Variants in EPHB6 observed in about 807,000 individuals in gnomAD.
EPHB6 encodes EPH receptor B6.
Under a neutral mutation model 107.0 loss-of-function variants are expected in EPHB6, and 51 were observed. The observed-to-expected ratio is 0.48, with a 90% CI of 0.38 to 0.60. The LOEUF (loss-of-function observed/expected upper bound fraction) is 0.60. Among genes scored for constraint, EPHB6 ranks in the 20% least tolerant of loss-of-function variants. EPHB6 has a pLI of 0.00. For missense variants in EPHB6, 1,141 were observed against 1,355.5 expected (o/e 0.84, Z 2.48); for synonymous variants, 553 against 549.0 (o/e 1.01, Z -0.10).
chr7:142,870,078 G>A (rs1190102754), intron 17 of EPHB6, 112 bp downstream of exon 17: 3 of 1,585,868 alleles, frequency 1.9e-6, no homozygotes, highest in Admixed American at 3.3e-5. Flanking sequence ...CATGGCTGTT[G>A]GATTGCCATA....
rs2116468520 is a variant in EPHB6 at position 142,868,424 on chromosome 7, G to A, written c.2038+64G>A. Reference sequence around the variant, plus strand: ...TCCCTTGTGGCCTCCGCTGGCCAGAGTCCCATCCAAACACAGCAGGACGCT... The same window carrying A: ...TCCCTTGTGGCCTCCGCTGGCCAGAATCCCATCCAAACACAGCAGGACGCT... On this transcript the variant is annotated intron_variant, in intron 14 of 19. Transcript: ENST00000652003. The surrounding 1 kb of genome is among the most constrained non-coding windows in gnomAD (Gnocchi z 4.2). The A allele has an allele frequency of 6.2e-7, 1 of 1,613,972 alleles. No individual in the cohort carries two copies.
In EPHB6 at chr7:142,867,982, C is replaced by T. The variant is rs752338310; in HGVS notation, c.1866-15C>T. On this transcript the variant is annotated splice_polypyrimidine_tract_variant and intron_variant, in intron 12 of 19. Transcript: ENST00000652003. The surrounding 1 kb of genome is among the most constrained non-coding windows in gnomAD (Gnocchi z 5.3). ...AAATGGGAGCGTCATCCCCAGTCAC[C>T]GTTTTGTTCCTCAGGAAGCGGCGTG... The T allele has an allele frequency of 8.3e-6, 13 of 1,566,110 alleles. No homozygotes were observed. Among genetic ancestry groups the T allele is most frequent in the Middle Eastern group, 2.1e-4 (1 of 4,878 alleles).
chr7:142,870,992 A>G lies in EPHB6; in HGVS notation c.*88A>G. ...GCCGGGCTCCAACAGCCTCTGTGAG[A>G]GATGCCCCACACCAAACCCAACCCT... On this transcript the variant is annotated 3_prime_UTR_variant, in exon 20 of 20. Coordinates refer to ENST00000652003, the MANE Select transcript of EPHB6 (RefSeq NM_004445.6). 1 of 1,302,900 alleles carries G rather than the reference A, an allele frequency of 7.7e-7. No homozygotes were observed. The allele number at this position is 1,302,900 out of a possible 1,614,324, so 80.7% of individuals were successfully genotyped here. A position where few individuals can be genotyped will look rare whatever the true frequency, so the allele number is the denominator to read the frequency against.
At position 142,863,430 on chromosome 7, in the gene EPHB6, A is replaced by G; in HGVS notation, c.100+103A>G. 21 of 1,271,478 alleles carry G rather than the reference A, an allele frequency of 1.7e-5. No individual in the cohort carries two copies. The South Asian group carries it at 2.5e-4, about 15-fold the overall frequency. 78.8% of individuals were successfully genotyped at this position (1,271,478 alleles called of 1,614,324 possible). ...AAAGGTAGATAAGAGTGAAGACATC[A>G]ATAAAGGGAAAGGCATGGTGAGGAT... On this transcript the variant is annotated intron_variant, in intron 5 of 19. Coordinates refer to ENST00000652003, the MANE Select transcript of EPHB6 (RefSeq NM_004445.6).
intron 1 of EPHB6, among the ~76,000 whole-genome samples, chr7:142,858,316 G>C (rs1006329376): frequency 2.0e-5 from 3 of 149,366 alleles, no homozygotes; most frequent in African/African-American, 7.4e-5. Context: ...ACTATATTAA[G>C]TAAGCTTGAT....
Position 142,870,540 on chromosome 7 carries a change from G to A in EPHB6, c.2815G>A (p.Ala939Thr). The A allele has an allele frequency of 1.9e-6, 3 of 1,614,214 alleles. No individual in the cohort carries two copies. Among genetic ancestry groups the A allele is most frequent in the Non-Finnish European group, 2.5e-6 (3 of 1,180,038 alleles). Residue 939 changes from alanine to threonine, a missense_variant, in exon 19 of 20, where the codon GCC becomes ACC. By Grantham distance (58) the Ala-to-Thr change is moderately conservative (BLOSUM62 0). This residue lies in a region of EPHB6 where 616 missense variants were observed against 759.3 expected (regional missense o/e 0.81). Transcript: ENST00000652003. ...CCCCTCCCCTCTTAGGCCTTCCCAG[G>A]CCCTTCTGACCCCTGTGGCCCTGGA... is the stretch of plus-strand genomic sequence containing the variant. ...GGDPGERPSQ[A>T]LLTPVALDFP...
At chr7:142,865,449 G>A (rs764934078) in intron 7 of EPHB6, 26 bp from the exon 8 acceptor site, 103 of 1,611,856 alleles carry the variant, frequency 6.4e-5, no homozygotes, top group Non-Finnish European at 8.6e-5. Context: ...CGAGTGTGAC[G>A]CCCCCACTCT....
chr7:142,866,139 A>G lies in EPHB6; in HGVS notation c.1285A>G (p.Arg429Gly), dbSNP rs2116444235. 1 of 1,613,928 alleles carries G rather than the reference A, an allele frequency of 6.2e-7. No individual in the cohort carries two copies. The highest frequency in any genetic ancestry group is 8.5e-7 in the Non-Finnish European group (1 of 1,179,970). Residue 429 changes from arginine to glycine, a missense_variant, in exon 9 of 20, where the codon AGG (arginine) becomes GGG (glycine). Around this residue, in one of 3 missense-constraint regions of EPHB6, gnomAD observed 304 missense variants for 295.7 expected, o/e 1.03. Transcript: ENST00000652003. The surrounding 1 kb of genome is among the most constrained non-coding windows in gnomAD (Gnocchi z 5.2). ...SGGGGTCHRC[R>G]DEVHFDPRQR... ...TGGTGGGGGCACTTGTCACCGCTGC[A>G]GGGATGAGGTCCACTTCGACCCTCG...
At chr7:142,862,392 G>C (rs939834692) in intron 3 of EPHB6, among the ~76,000 whole-genome samples, 1 of 152,184 alleles carries the variant, frequency 6.6e-6, no homozygotes, top group African/African-American at 2.4e-5. Flanking sequence ...TAAAGCCATA[G>C]GGTTATTCTT....
chr7:142,868,414 G>A lies in EPHB6; in HGVS notation c.2038+54G>A, dbSNP rs916758437. On this transcript the variant is annotated intron_variant, in intron 14 of 19. Transcript: ENST00000652003. This position sits in a 1 kb window ranked among gnomAD's most constrained non-coding sequence, Gnocchi z 4.2. ...GCGACGGGGCTCCCTTGTGGCCTCCGCTGGCCAGAGTCCCATCCAAACACA... is the reference window on the plus strand; with the variant it reads ...GCGACGGGGCTCCCTTGTGGCCTCCACTGGCCAGAGTCCCATCCAAACACA... The A allele has an allele frequency of 2.7e-5, 44 of 1,613,816 alleles. No homozygotes were observed. Among genetic ancestry groups the A allele is most frequent in the South Asian group, 2.5e-4 (23 of 91,060 alleles).
chr7:142,858,608 TTTTTTTTTTTTGTA>T (rs1449599199), intron 1 of EPHB6, among the ~76,000 whole-genome samples: 1 of 148,428 alleles, frequency 6.7e-6, no homozygotes, highest in Non-Finnish European at 1.5e-5. Flanking sequence ...GCTAATTTTT[TTTTTTTTTTTTGTA>T]TTTTTAGTAG....
In EPHB6 at chr7:142,863,023, TG is replaced by T; in HGVS notation, c.-101-103del. 3 of 595,212 alleles carry T rather than the reference TG, an allele frequency of 5.0e-6. No homozygotes were observed. In the East Asian group the frequency reaches 8.4e-5, roughly 17 times the overall value. 36.9% of individuals were successfully genotyped at this position (595,212 alleles called of 1,614,324 possible). On this transcript the variant is annotated intron_variant, in intron 4 of 19. Transcript: ENST00000652003. ...GTGGGTGCTGGGGCGATTGGAGAGCTGTAGGAGGAGACACAGACACGGGGTC... is the reference window on the plus strand; with the variant it reads ...GTGGGTGCTGGGGCGATTGGAGAGCTTAGGAGGAGACACAGACACGGGGTC...
chr7:142,868,880 C>T lies in EPHB6; in HGVS notation c.2287-94C>T. 1 of 1,587,014 alleles carries T rather than the reference C, an allele frequency of 6.3e-7. No individual in the cohort carries two copies. Among genetic ancestry groups the T allele is most frequent in the Non-Finnish European group, 8.6e-7 (1 of 1,168,094 alleles). ...TCCCAGCCATTTTCTGATTCGACAC[C>T]CTCCCGCTCTCATGCTGTTGTCTGC... is the stretch of plus-strand genomic sequence containing the variant. On this transcript the variant is annotated intron_variant, in intron 15 of 19. Transcript: ENST00000652003. This position sits in a 1 kb window ranked among gnomAD's most constrained non-coding sequence, Gnocchi z 4.2.
In EPHB6 at chr7:142,864,723, C is replaced by T. The variant is rs2116428960; in HGVS notation, c.923C>T (p.Pro308Leu). 1 of 1,612,924 alleles carries T rather than the reference C, an allele frequency of 6.2e-7. No homozygotes were observed. The highest frequency in any genetic ancestry group is 1.1e-5 in the South Asian group (1 of 91,084). ...TGCCGCTGCCAGCCTGGATACCAAC[C>T]AGCACGAGGAGACAAGGCCTGCCAA... is the stretch of plus-strand genomic sequence containing the variant. ...GGCRCQPGYQ[P>L]ARGDKACQAC... is the part of the protein sequence containing the mutation. The change falls in exon 7 of 20, where the codon CCA (proline) becomes CTA (leucine). Residue 308 changes from proline (P) to leucine (L), a missense_variant. Coordinates refer to ENST00000652003, the MANE Select transcript of EPHB6 (RefSeq NM_004445.6).
intron 5 of EPHB6, 118 bp downstream of exon 5, chr7:142,863,445 A>G (rs1347122897): frequency 8.3e-7 from 1 of 1,203,742 alleles, no homozygotes; most frequent in Non-Finnish European, 1.2e-6. Context: ...AGGGAAAGGC[A>G]TGGTGAGGAT....
In EPHB6 at chr7:142,855,716, G is replaced by C. The variant is rs1438012600; in HGVS notation, c.-432+331G>C. ...CTGGGAGGGTCCTCGCAGAGACGGA[G>C]CTCCACGCTTGGAACAGGATTGCCA... On this transcript the variant is annotated intron_variant, in intron 1 of 19. Coordinates refer to ENST00000652003, the MANE Select transcript of EPHB6 (RefSeq NM_004445.6). The surrounding 1 kb of genome is among the most constrained non-coding windows in gnomAD (Gnocchi z 4.2). Among the ~76,000 whole-genome samples the C allele has an allele frequency of 6.6e-6, 1 of 152,142 alleles. No individual in the cohort carries two copies. Among genetic ancestry groups the C allele is most frequent in the African/African-American group, 2.4e-5 (1 of 41,424 alleles).
Position 142,863,636 on chromosome 7 carries a change from T to C in EPHB6, c.106T>C (p.Leu36=). 1.9e-6 allele frequency: 3 copies of C among 1,613,742 alleles called. No individual in the cohort carries two copies. The highest frequency in any genetic ancestry group is 2.5e-6 in the Non-Finnish European group (3 of 1,179,986). ...VSSVLALEEV[L]LDTTGETSEI... ...CCCCTCTTATTTCTGGGCAGAGGTATTGCTGGACACCACCGGAGAGACATC... is the reference window on the plus strand; with the variant it reads ...CCCCTCTTATTTCTGGGCAGAGGTACTGCTGGACACCACCGGAGAGACATC... The change falls in exon 6 of 20, where the codon TTG becomes CTG. Residue 36 remains leucine, a synonymous_variant. Coordinates refer to ENST00000652003, the MANE Select transcript of EPHB6 (RefSeq NM_004445.6).
chr7:142,861,628 TTTA>T (rs1253813935), intron 2 of EPHB6, among the ~76,000 whole-genome samples: 1 of 152,244 alleles, frequency 6.6e-6, no homozygotes, highest in Non-Finnish European at 1.5e-5. Context: ...GGAAATGCTT[TTTA>T]TATCAGTGCA....
At chr7:142,863,874 T>C in intron 6 of EPHB6, 92 bp from the exon 7 acceptor site, 1 of 1,572,300 alleles carries the variant, frequency 6.4e-7, no homozygotes, top group Non-Finnish European at 8.8e-7. Context: ...ATTTTAAGTC[T>C]CAGTGGAAGA....
Sources: allele counts gnomAD v4.1 joint callset (sites outside exome capture counted in the v4.1 genomes callset), GRCh38; gene constraint gnomAD v4.1.1; regional missense constraint gnomAD v4.1.1; non-coding constraint Gnocchi (gnomAD v3.1); transcripts MANE v1.5; gene names NCBI Gene and HGNC (gene_info 2026-07-23, HGNC 2026-07-21).